MAP7: variants seen among roughly 807,000 people sequenced by gnomAD.
MAP7 encodes the protein ensconsin.
Under a neutral mutation model 94.8 loss-of-function variants are expected in MAP7, and 52 were observed. That is an observed-to-expected ratio of 0.55 (90% CI 0.44 to 0.69). MAP7 has a LOEUF of 0.69. Ranked by LOEUF, MAP7 falls within the 30% of genes least tolerant of loss-of-function variation. MAP7 has a pLI of 0.00. For synonymous variants in MAP7, 350 were observed against 357.0 expected (o/e 0.98, Z 0.22); for missense variants, 940 against 964.6 (o/e 0.97, Z 0.34).
intron 7 of MAP7, among the ~76,000 whole-genome samples, chr6:136,375,047 G>C (rs1775688787): frequency 6.6e-6 from 1 of 151,946 alleles, no homozygotes; most frequent in Non-Finnish European, 1.5e-5. Context: ...TCCTACTCTT[G>C]GTGGTAAGTA....
chr6:136,362,654 G>C lies in MAP7; in HGVS notation c.1322C>G (p.Ser441Trp), dbSNP rs750434219. ...PAPASAPAPA[S>W]APAPAPVPTP... is the part of the protein sequence containing the mutation. ...GGGGACCGGGGCTGGAGCTGGGGCCGAGGCTGGAGCTGGGGCCGAGGCTGG... is the reference window on the plus strand; with the variant it reads ...GGGGACCGGGGCTGGAGCTGGGGCCCAGGCTGGAGCTGGGGCCGAGGCTGG... The change falls in exon 11 of 18, where the codon TCG becomes TGG. Residue 441 changes from serine to tryptophan, a missense_variant. Physicochemically the swap from Ser to Trp is radical, Grantham distance 177 (BLOSUM62 -3). Transcript: ENST00000354570. The C allele has an allele frequency of 1.9e-6, 3 of 1,606,056 alleles. No individual in the cohort carries two copies. Among genetic ancestry groups the C allele is most frequent in the Admixed American group, 3.4e-5 (2 of 59,314 alleles).
intron 1 of MAP7, among the ~76,000 whole-genome samples, chr6:136,442,729 G>A (rs1055399317): frequency 3.9e-5 from 6 of 152,270 alleles, no homozygotes; most frequent in South Asian, 2.1e-4. Context: ...GGCAAAACAC[G>A]AAAGTTCTGG....
intron 7 of MAP7, among the ~76,000 whole-genome samples, chr6:136,375,449 C>T (rs1177402526): frequency 6.6e-6 from 1 of 152,078 alleles, no homozygotes; most frequent in African/African-American, 2.4e-5. Context: ...TGATGTAACC[C>T]AGTACAGGAC....
At chr6:136,420,275 G>A (rs147923473) in intron 2 of MAP7, 24 of 893,058 alleles carry the variant, frequency 2.7e-5, no homozygotes, top group Admixed American at 5.3e-5. Flanking sequence ...CAGAAGAGCC[G>A]GCCATGCTTC....
intron 1 of MAP7, among the ~76,000 whole-genome samples, chr6:136,451,948 G>A (rs1404085517): frequency 6.6e-6 from 1 of 152,252 alleles, no homozygotes. Flanking sequence ...TGTAATCCCA[G>A]CACTTTGGGA....
At chr6:136,488,016 T>G (rs1815321451) in intron 1 of MAP7, among the ~76,000 whole-genome samples, 1 of 152,260 alleles carries the variant, frequency 6.6e-6, no homozygotes, top group Non-Finnish European at 1.5e-5. Context: ...ATGCTTTATT[T>G]ACTTTCACAT....
chr6:136,471,717 C>T (rs946596370), intron 1 of MAP7, among the ~76,000 whole-genome samples: 1 of 151,636 alleles, frequency 6.6e-6, no homozygotes, highest in Non-Finnish European at 1.5e-5. Flanking sequence ...ATCTTGCACG[C>T]GGTCCTTGAA....
At chr6:136,383,301 A>C (rs1412714594) in intron 6 of MAP7, among the ~76,000 whole-genome samples, 1 of 152,262 alleles carries the variant, frequency 6.6e-6, no homozygotes, top group African/African-American at 2.4e-5. Flanking sequence ...TTCCCAAAGT[A>C]CAGATAGATG....
chr6:136,392,584 G>T (rs1005096050), intron 3 of MAP7, among the ~76,000 whole-genome samples: 5 of 151,962 alleles, frequency 3.3e-5, no homozygotes, highest in African/African-American at 1.2e-4. Flanking sequence ...TAAGAATTCA[G>T]ACCCTGAGCA....
chr6:136,420,105 A>G (rs1259876757), intron 2 of MAP7: 1 of 859,466 alleles, frequency 1.2e-6, no homozygotes, highest in Admixed American at 1.7e-5. Context: ...AGGAAATTAT[A>G]AATGCTTTGG....
At chr6:136,522,195 CA>C (rs1826576768) in intron 1 of MAP7, among the ~76,000 whole-genome samples, 1 of 152,204 alleles carries the variant, frequency 6.6e-6, no homozygotes, top group Admixed American at 6.5e-5. Flanking sequence ...GTCCTGAAGT[CA>C]GCATTACAAG....
At chr6:136,424,672 G>A (rs1286474973) in intron 1 of MAP7, among the ~76,000 whole-genome samples, 1 of 152,184 alleles carries the variant, frequency 6.6e-6, no homozygotes. Flanking sequence ...CAAAGGCCTT[G>A]GTGTTCTCAT....
At chr6:136,356,906 T>C (rs1791140278) in intron 15 of MAP7, 112 bp from the exon 16 acceptor site, 6 of 783,294 alleles carry the variant, frequency 7.7e-6, no homozygotes, top group Non-Finnish European at 1.3e-5. Context: ...ACTTAAGTGA[T>C]GTGAGACCTT....
intron 5 of MAP7, among the ~76,000 whole-genome samples, chr6:136,387,410 A>G (rs753179417): frequency 1.3e-5 from 2 of 152,250 alleles, no homozygotes; most frequent in Non-Finnish European, 2.9e-5. Flanking sequence ...TCCACATGTA[A>G]TTACTTTATT....
intron 1 of MAP7, among the ~76,000 whole-genome samples, chr6:136,494,149 G>A (rs146872089): frequency 3.1e-4 from 47 of 152,276 alleles, no homozygotes; most frequent in African/African-American, 8.4e-4. Flanking sequence ...AGAACCAAGC[G>A]TGCTGAGTTG....
chr6:136,519,737 C>T (rs557393736), intron 1 of MAP7, among the ~76,000 whole-genome samples: 1 of 152,092 alleles, frequency 6.6e-6, no homozygotes, highest in Admixed American at 6.5e-5. Context: ...CACTGTGTCC[C>T]GATCTCAAGG....
intron 1 of MAP7, among the ~76,000 whole-genome samples, chr6:136,480,615 C>A (rs1278927282): frequency 3.2e-5 from 4 of 123,430 alleles, no homozygotes; most frequent in Non-Finnish European, 6.3e-5. Context: ...GCACTCCAGC[C>A]TGGGTGACAG....
chr6:136,401,916 T>C lies in MAP7; in HGVS notation c.244+9704A>G, dbSNP rs78078103. 9.0e-3 allele frequency among the ~76,000 whole-genome samples: 1,368 copies of C among 152,340 alleles called. 60 individuals are homozygous for C. In the East Asian group the frequency reaches 0.14, roughly 15 times the overall value. On this transcript the variant is annotated intron_variant, in intron 3 of 17. Coordinates refer to ENST00000354570, the MANE Select transcript of MAP7 (RefSeq NM_003980.6). The stretch of plus-strand genomic sequence containing the variant: ...TCATTCCTTTCTCATGCCTCATTTC[T>C]AGTCTTTAACCACTTCAAATCCATC...
chr6:136,442,272 G>A (rs1798084221), intron 1 of MAP7, among the ~76,000 whole-genome samples: 1 of 151,654 alleles, frequency 6.6e-6, no homozygotes, highest in African/African-American at 2.4e-5. Context: ...GGACATGGTG[G>A]TGCATGCCTG....
Sources: allele counts gnomAD v4.1 joint callset (sites outside exome capture counted in the v4.1 genomes callset), GRCh38; gene constraint gnomAD v4.1.1; transcripts MANE v1.5; gene names NCBI Gene and HGNC (gene_info 2026-07-23, HGNC 2026-07-21).